AMOTL1: variants seen among roughly 807,000 people sequenced by gnomAD.
AMOTL1 encodes the protein angiomotin-like protein 1.
A neutral mutation model predicts 102.9 loss-of-function variants in AMOTL1; 45 were observed. The observed-to-expected ratio is 0.44, with a 90% CI of 0.34 to 0.56. The LOEUF (loss-of-function observed/expected upper bound fraction) is 0.56, where lower values mean the gene tolerates loss of function less well. Among genes scored for constraint, AMOTL1 ranks in the 20% least tolerant of loss-of-function variants. AMOTL1 has a pLI of 0.01. For missense variants in AMOTL1, 1,114 were observed against 1,225.6 expected (o/e 0.91, Z 1.36); for synonymous variants, 481 against 484.7 (o/e 0.99, Z 0.10).
chr11:94,745,943 T>G (rs914971473), intron 3 of AMOTL1, among the ~76,000 whole-genome samples: 3 of 152,308 alleles, frequency 2.0e-5, no homozygotes, highest in Non-Finnish European at 4.4e-5. Context: ...TAGTGATTCG[T>G]CCCTGGAGCC....
intron 3 of AMOTL1, among the ~76,000 whole-genome samples, chr11:94,803,225 T>G (rs1202166734): frequency 6.6e-6 from 1 of 152,220 alleles, no homozygotes; most frequent in Non-Finnish European, 1.5e-5. Context: ...AATTTGAGTT[T>G]TTTGTGATCA....
rs199764906 is a variant in AMOTL1 at position 94,771,265 on chromosome 11, G to GA, written c.49+2705_49+2706insA. On this transcript the variant is annotated intron_variant, in intron 1 of 12. Transcript: ENST00000433060. ...CTTTTCTTTTTGGCGGGGTTGGGGG[G>GA]GGGGTGCGGTGTGTGGCTATCTGCA... is the stretch of plus-strand genomic sequence containing the variant. Among the ~76,000 whole-genome samples, 428 of 146,364 alleles carry GA rather than the reference G, an allele frequency of 2.9e-3. 13 individuals are homozygous for GA. Among genetic ancestry groups the GA allele is most frequent in the African/African-American group, 0.01 (414 of 40,312 alleles).
At chr11:94,840,681 T>TATATATATATACACACACACACAC (rs1166713705) in intron 6 of AMOTL1, among the ~76,000 whole-genome samples, 1 of 104,784 alleles carries the variant, frequency 9.5e-6, no homozygotes, top group African/African-American at 4.0e-5. Flanking sequence ...TATATATATA[T>TATATATATATACACACACACACAC]ACACACACAC....
chr11:94,821,443 C>A, intron 3 of AMOTL1, 87 bp from the exon 4 acceptor site: 1 of 1,385,176 alleles, frequency 7.2e-7, no homozygotes, highest in Non-Finnish European at 9.8e-7. Context: ...ACCATGGAAG[C>A]CATCAACAGT....
chr11:94,802,112 C>A (rs191744780), intron 3 of AMOTL1, among the ~76,000 whole-genome samples: 1 of 152,262 alleles, frequency 6.6e-6, no homozygotes, highest in African/African-American at 2.4e-5. Context: ...GCAGCATAAC[C>A]AACTGTGAGA....
chr11:94,842,750 G>A (rs1952332551), intron 6 of AMOTL1, among the ~76,000 whole-genome samples: 2 of 152,184 alleles, frequency 1.3e-5, no homozygotes, highest in Non-Finnish European at 2.9e-5. Context: ...ATGAAGGACA[G>A]CTGAAGAAAT....
intron 9 of AMOTL1, among the ~76,000 whole-genome samples, chr11:94,864,055 A>G (rs1469662960): frequency 6.6e-6 from 1 of 152,230 alleles, no homozygotes; most frequent in African/African-American, 2.4e-5. Context: ...GGAAGACTTC[A>G]GCTTGGAGCC....
intron 11 of AMOTL1, among the ~76,000 whole-genome samples, chr11:94,868,985 A>G (rs1156774254): frequency 6.6e-6 from 1 of 151,778 alleles, no homozygotes; most frequent in East Asian, 1.9e-4. Flanking sequence ...AAAACCTACA[A>G]TTTTTTAGGA....
chr11:94,812,460 T>G (rs1312004778), intron 3 of AMOTL1, among the ~76,000 whole-genome samples: 1 of 152,146 alleles, frequency 6.6e-6, no homozygotes, highest in Non-Finnish European at 1.5e-5. Flanking sequence ...AAAAGAATAG[T>G]CGCTTATGCC....
intron 1 of AMOTL1, among the ~76,000 whole-genome samples, chr11:94,715,750 A>G (rs1950086484): frequency 6.6e-6 from 1 of 152,062 alleles, no homozygotes; most frequent in African/African-American, 2.4e-5. Context: ...TCTGTAGGTA[A>G]TGCATCATTT....
chr11:94,853,822 G>C, intron 7 of AMOTL1, 111 bp from the exon 8 acceptor site: 1 of 1,257,046 alleles, frequency 8.0e-7, no homozygotes, highest in South Asian at 1.3e-5. Flanking sequence ...GGAGGTACGT[G>C]CACCTGTAGT....
chr11:94,727,488 G>A (rs1950280096), intron 1 of AMOTL1, among the ~76,000 whole-genome samples: 1 of 152,122 alleles, frequency 6.6e-6, no homozygotes, highest in Non-Finnish European at 1.5e-5. Flanking sequence ...TGTCTCAGTT[G>A]GCTAACGGAT....
intron 3 of AMOTL1, among the ~76,000 whole-genome samples, chr11:94,819,134 C>T (rs1271243589): frequency 6.6e-6 from 1 of 152,120 alleles, no homozygotes; most frequent in East Asian, 1.9e-4. Context: ...AGAGATCAGA[C>T]AAAACCTGAG....
intron 1 of AMOTL1, among the ~76,000 whole-genome samples, chr11:94,716,429 C>T (rs556419487): frequency 2.0e-4 from 31 of 152,198 alleles, no homozygotes; most frequent in African/African-American, 5.5e-4. Context: ...GTACCCTGGA[C>T]ATTTTGGGTA....
intron 7 of AMOTL1, among the ~76,000 whole-genome samples, chr11:94,850,950 T>C (rs188546453): frequency 6.0e-4 from 91 of 152,314 alleles, no homozygotes; most frequent in Non-Finnish European, 7.8e-4. Flanking sequence ...AAACTGTCTC[T>C]TCAGAAAACC....
At chr11:94,844,870 A>G (rs760142853) in intron 6 of AMOTL1, among the ~76,000 whole-genome samples, 3 of 152,212 alleles carry the variant, frequency 2.0e-5, no homozygotes, top group Non-Finnish European at 2.9e-5. Context: ...CTTAGACACT[A>G]CTTGATCAAG....
intron 1 of AMOTL1, among the ~76,000 whole-genome samples, chr11:94,793,100 T>G (rs1951313792): frequency 6.6e-6 from 1 of 152,204 alleles, no homozygotes; most frequent in African/African-American, 2.4e-5. Context: ...ATATTTTAGT[T>G]GGACCTCAGT....
At chr11:94,855,319 C>T (rs146533689) in intron 8 of AMOTL1, among the ~76,000 whole-genome samples, 30 of 152,334 alleles carry the variant, frequency 2.0e-4, no homozygotes, top group African/African-American at 7.0e-4. Context: ...AGAAACCCAC[C>T]TCCGCCTCCC....
intron 9 of AMOTL1, 61 bp downstream of exon 9, chr11:94,859,776 A>G: frequency 6.7e-7 from 1 of 1,496,058 alleles, no homozygotes. Context: ...AAACAAAACA[A>G]ACAGGCTATC....
Sources: gnomAD v4.1 joint callset for allele counts (sites outside exome capture counted in the v4.1 genomes callset) on GRCh38, gnomAD v4.1.1 for gene constraint, MANE v1.5 for transcripts, NCBI Gene and HGNC (gene_info 2026-07-23, HGNC 2026-07-21) for gene names.